The following URM1 variants were observed in gnomAD, a reference collection of about 807,000 sequenced individuals.
URM1 encodes the protein ubiquitin-related modifier 1.
URM1 carries 11 observed loss-of-function variants against 17.7 expected under a neutral mutation model. That is an observed-to-expected ratio of 0.62 (90% CI 0.39 to 1.03). URM1 has a LOEUF of 1.03. Ranked by LOEUF, URM1 falls within the 50% of genes least tolerant of loss-of-function variation. URM1 has a pLI of 0.00. For synonymous variants in URM1, 48 were observed against 50.6 expected, an observed-to-expected ratio of 0.95 and a Z score of 0.22; for missense variants, 128 against 129.2, an observed-to-expected ratio of 0.99 and a Z score of 0.04.
chr9:128,381,850 G>A (rs999086564), intron 2 of URM1, among the ~76,000 whole-genome samples: 3 of 152,224 alleles, frequency 2.0e-5, no homozygotes, highest in Admixed American at 6.5e-5. Flanking sequence ...ACCCATCACC[G>A]TCTATCCCAA....
At chr9:128,373,705 G>A (rs1404257444) in intron 1 of URM1, among the ~76,000 whole-genome samples, 1 of 152,136 alleles carries the variant, frequency 6.6e-6, no homozygotes, top group Non-Finnish European at 1.5e-5. Context: ...AGTTCTCTCC[G>A]TCCCACCCCT....
At chr9:128,386,958 G>C (rs1294412792) in intron 2 of URM1, among the ~76,000 whole-genome samples, 1 of 152,242 alleles carries the variant, frequency 6.6e-6, no homozygotes, top group Admixed American at 6.5e-5. Context: ...CTGTTTCGGG[G>C]GCGGACAGTT....
chr9:128,377,939 T>G lies in URM1; in HGVS notation c.36-97T>G, dbSNP rs142602448. The G allele has an allele frequency of 1.3e-3, 1,767 of 1,322,034 alleles. 2 individuals carry two copies. The highest frequency in any genetic ancestry group is 1.8e-3 in the Non-Finnish European group (1,620 of 925,334). The allele number at this position is 1,322,034 out of a possible 1,614,324, so 81.9% of individuals were successfully genotyped here. On this transcript the variant is annotated intron_variant, in intron 1 of 4. Coordinates refer to ENST00000372853, the MANE Select transcript of URM1 (RefSeq NM_030914.4). Reference sequence around the variant, plus strand: ...ACCTTAGTCTCTGCTTCTCTCGGCCTTCATTACCAGCCCTATCCTCAGTTT... The same window carrying G: ...ACCTTAGTCTCTGCTTCTCTCGGCCGTCATTACCAGCCCTATCCTCAGTTT...
At chr9:128,388,874 A>G (rs1833264932) in intron 3 of URM1, 1 of 1,016,034 alleles carries the variant, frequency 9.8e-7, no homozygotes, top group African/African-American at 1.7e-5. Context: ...AGTCCTACTA[A>G]TGGTTACCAT....
intron 2 of URM1, among the ~76,000 whole-genome samples, chr9:128,380,252 C>T (rs1013428320): frequency 6.6e-6 from 1 of 152,182 alleles, no homozygotes; most frequent in Non-Finnish European, 1.5e-5. Context: ...CACTGGCTGC[C>T]GCACCTCTCT....
At position 128,387,784 on chromosome 9, in the gene URM1, G is replaced by T; in HGVS notation, c.107-32G>T. On this transcript the variant is annotated intron_variant, in intron 2 of 4. Coordinates refer to ENST00000372853, the MANE Select transcript of URM1 (RefSeq NM_030914.4). The surrounding 1 kb of genome is among the most constrained non-coding windows in gnomAD (Gnocchi z 4.3). ...GGGTGGGCAGGTGCTATTTGGGTTT[G>T]ACAAGAGTTTGTTCTGTGCATTCCT... The T allele has an allele frequency of 6.2e-7, 1 of 1,613,700 alleles. No individual in the cohort carries two copies. Among genetic ancestry groups the T allele is most frequent in the South Asian group, 1.1e-5 (1 of 91,048 alleles).
intron 2 of URM1, among the ~76,000 whole-genome samples, chr9:128,381,289 G>A (rs1833156644): frequency 6.6e-6 from 1 of 152,220 alleles, no homozygotes; most frequent in African/African-American, 2.4e-5. Flanking sequence ...GAATAAACAA[G>A]TAAACAAATG....
At chr9:128,378,831 C>T (rs923548245) in intron 2 of URM1, among the ~76,000 whole-genome samples, 1 of 151,482 alleles carries the variant, frequency 6.6e-6, no homozygotes, top group Non-Finnish European at 1.5e-5. Context: ...CTTGTAATCC[C>T]AGCTACTCAG....
At chr9:128,388,465 C>T (rs1217445863) in intron 3 of URM1, 1 of 986,024 alleles carries the variant, frequency 1.0e-6, no homozygotes, top group Non-Finnish European at 1.2e-6. Context: ...CACGAAGTTA[C>T]TTCTAAAACA....
Position 128,378,043 on chromosome 9 carries a change from G to A in URM1, c.43G>A (p.Ala15Thr). The change falls in exon 2 of 5, where the codon GCG becomes ACG. Residue 15 changes from alanine to threonine, a missense_variant. Ala to Thr is a moderately conservative substitution (Grantham distance 58). Transcript: ENST00000372853. ...LSVEVEFGGG[A>T]ELLFDGIKKH... ...TCTGGTCCTCCTTTGCAGAGGTGGT[G>A]CGGAGCTCCTGTTTGACGGTATTAA... 6.2e-7 allele frequency: 1 copy of A among 1,612,140 alleles called. No individual in the cohort carries two copies. Among genetic ancestry groups the A allele is most frequent in the Non-Finnish European group, 8.5e-7 (1 of 1,179,148 alleles).
chr9:128,384,213 G>C (rs1313538099), intron 2 of URM1, among the ~76,000 whole-genome samples: 3 of 152,206 alleles, frequency 2.0e-5, no homozygotes, highest in African/African-American at 7.2e-5. Context: ...CTCCAGCATA[G>C]AGCAGCAGCT....
At chr9:128,375,993 T>A (rs1387484846) in intron 1 of URM1, among the ~76,000 whole-genome samples, 1 of 151,894 alleles carries the variant, frequency 6.6e-6, no homozygotes, top group Admixed American at 6.6e-5. Context: ...TGCACCTGTG[T>A]GGTAAGCTGC....
At chr9:128,379,582 G>C (rs1833130672) in intron 2 of URM1, among the ~76,000 whole-genome samples, 1 of 152,094 alleles carries the variant, frequency 6.6e-6, no homozygotes, top group East Asian at 1.9e-4. Flanking sequence ...GGTGGATCAC[G>C]AGGTCAGGAG....
chr9:128,374,717 G>A (rs1281155225), intron 1 of URM1, among the ~76,000 whole-genome samples: 2 of 152,228 alleles, frequency 1.3e-5, no homozygotes, highest in African/African-American at 2.4e-5. Context: ...GGGAAAGGGT[G>A]GTGGGGTGGA....
At chr9:128,386,255 G>A (rs772929114) in intron 2 of URM1, among the ~76,000 whole-genome samples, 2 of 152,126 alleles carry the variant, frequency 1.3e-5, no homozygotes, top group South Asian at 2.1e-4. Context: ...ATGGGTTGGC[G>A]GCCCACCAGA....
At chr9:128,389,373 TG>T (rs770193991) in intron 4 of URM1, 64 bp downstream of exon 4, 2 of 1,613,826 alleles carry the variant, frequency 1.2e-6, no homozygotes, top group East Asian at 4.5e-5. Flanking sequence ...GGGAAAGCGT[TG>T]GGCCTCTCCT....
At chr9:128,388,163 C>G in intron 3 of URM1, 1 of 1,256,436 alleles carries the variant, frequency 8.0e-7, no homozygotes, top group Non-Finnish European at 1.0e-6. Flanking sequence ...TGCTGTGGGA[C>G]CTTAGGCGAC....
At chr9:128,383,837 C>T (rs1318614930) in intron 2 of URM1, among the ~76,000 whole-genome samples, 2 of 152,166 alleles carry the variant, frequency 1.3e-5, no homozygotes, top group African/African-American at 4.8e-5. Context: ...CAGTGTCCCC[C>T]AGAATAGGAC....
At chr9:128,379,811 A>C (rs1833135008) in intron 2 of URM1, among the ~76,000 whole-genome samples, 1 of 151,998 alleles carries the variant, frequency 6.6e-6, no homozygotes, top group Non-Finnish European at 1.5e-5. Flanking sequence ...AAAAAAAATA[A>C]AATAAAATAA....
Sources: gnomAD v4.1 joint callset for allele counts (sites outside exome capture counted in the v4.1 genomes callset) on GRCh38, gnomAD v4.1.1 for gene constraint, Gnocchi (gnomAD v3.1) non-coding constraint, MANE v1.5 for transcripts, NCBI Gene and HGNC (gene_info 2026-07-23, HGNC 2026-07-21) for gene names.